CRABP1: variants seen among roughly 807,000 people sequenced by gnomAD.
The protein encoded by CRABP1 is cellular retinoic acid binding protein 1.
In CRABP1, 9 loss-of-function variants were observed where a neutral mutation model predicts 16.4. The ratio of observed to expected loss-of-function variants is 0.55; its 90% confidence interval spans 0.33 to 0.96. The LOEUF (loss-of-function observed/expected upper bound fraction) is 0.96. Ranked by LOEUF, CRABP1 falls within the 40% of genes least tolerant of loss-of-function variation. The pLI, the probability that CRABP1 is intolerant of heterozygous loss-of-function variation, is 0.03. For synonymous variants in CRABP1, 72 were observed against 70.4 expected (o/e 1.02, Z -0.11); for missense variants, 157 against 186.0 (o/e 0.84, Z 0.91).
At chr15:78,345,954 C>T (rs1439637459) in intron 3 of CRABP1, among the ~76,000 whole-genome samples, 1 of 152,178 alleles carries the variant, frequency 6.6e-6, no homozygotes, top group Admixed American at 6.5e-5. Context: ...CTCCCACAAA[C>T]CACTCTGGAA....
At chr15:78,340,608 G>C in intron 1 of CRABP1, 110 bp downstream of exon 1, 1 of 1,264,430 alleles carries the variant, frequency 7.9e-7, no homozygotes, top group Non-Finnish European at 1.1e-6. Flanking sequence ...GCCCAGGCAG[G>C]AGGGAGTCCC....
intron 2 of CRABP1, among the ~76,000 whole-genome samples, chr15:78,342,139 C>T (rs1020942093): frequency 6.6e-6 from 1 of 152,002 alleles, no homozygotes; most frequent in Non-Finnish European, 1.5e-5. Context: ...AGAAACAAAG[C>T]CCCCCAGAAG....
chr15:78,344,942 A>G (rs1190446116), intron 3 of CRABP1, among the ~76,000 whole-genome samples: 1 of 150,808 alleles, frequency 6.6e-6, no homozygotes, highest in Non-Finnish European at 1.5e-5. Context: ...AAAAAAAACA[A>G]AAAAACTAAT....
intron 2 of CRABP1, among the ~76,000 whole-genome samples, chr15:78,342,336 C>T (rs938187048): frequency 4.6e-5 from 7 of 151,504 alleles, no homozygotes; most frequent in African/African-American, 1.7e-4. Flanking sequence ...AGTCTGGGGA[C>T]ATCCAATGTT....
chr15:78,340,992 G>A (rs1256917702), intron 1 of CRABP1, 51 bp from the exon 2 acceptor site: 2 of 1,565,246 alleles, frequency 1.3e-6, no homozygotes, highest in African/African-American at 2.7e-5. Context: ...GACCGGTCCC[G>A]AGACTGGCGG....
chr15:78,343,539 C>T lies in CRABP1; in HGVS notation c.290C>T (p.Thr97Met), dbSNP rs778328549. ...TWENENKIHC[T>M]QTLLEGDGPK... ...GAGAATGAGAACAAGATCCACTGCA[C>T]GCAAACTCTTCTTGAAGGGGACGGC... Residue 97 changes from threonine to methionine, a missense_variant, in exon 3 of 4, where the codon ACG (threonine) becomes ATG (methionine). Coordinates refer to ENST00000299529, the MANE Select transcript of CRABP1 (RefSeq NM_004378.3). The T allele has an allele frequency of 5.6e-5, 91 of 1,614,062 alleles. No individual in the cohort carries two copies. The highest frequency in any genetic ancestry group is 1.6e-4 in the Middle Eastern group (1 of 6,084).
At chr15:78,347,791 G>A in intron 3 of CRABP1, 136 bp from the exon 4 acceptor site, 1 of 796,406 alleles carries the variant, frequency 1.3e-6, no homozygotes, top group Non-Finnish European at 2.1e-6. Context: ...CTTAGCCTGA[G>A]CACACACACA....
chr15:78,341,118 A>G lies in CRABP1; in HGVS notation c.146A>G (p.Asp49Gly). The G allele has an allele frequency of 3.7e-6, 6 of 1,612,954 alleles. No homozygotes were observed. Among genetic ancestry groups the G allele is most frequent in the Non-Finnish European group, 5.1e-6 (6 of 1,179,740 alleles). ...CACGTGGAGATCCGCCAGGACGGGG[A>G]TCAGTTCTACATCAAGACATCCACC... is the stretch of plus-strand genomic sequence containing the variant. ...KPHVEIRQDG[D>G]QFYIKTSTTV... The change falls in exon 2 of 4, where the codon GAT becomes GGT. Residue 49 changes from aspartate (D) to glycine (G), a missense_variant. By Grantham distance (94) the Asp-to-Gly change is moderately conservative. Transcript: ENST00000299529. This position sits in a 1 kb window ranked among gnomAD's most constrained non-coding sequence, Gnocchi z 5.3.
At position 78,341,989 on chromosome 15, in the gene CRABP1, C is replaced by T. The variant is rs751252988; in HGVS notation, c.249+768C>T. On this transcript the variant is annotated intron_variant, in intron 2 of 3. Transcript: ENST00000299529. This position sits in a 1 kb window ranked among gnomAD's most constrained non-coding sequence, Gnocchi z 5.3. ...TTAAAAAGTGACAGAATGTCTCCCT[C>T]CCCTTCTCCAATTTTTTTTTTTTAA... is the stretch of plus-strand genomic sequence containing the variant. 2.0e-5 allele frequency among the ~76,000 whole-genome samples: 3 copies of T among 151,834 alleles called. No individual in the cohort carries two copies. Among genetic ancestry groups the T allele is most frequent in the Non-Finnish European group, 2.9e-5 (2 of 68,010 alleles).
At chr15:78,344,862 A>C (rs1187897266) in intron 3 of CRABP1, among the ~76,000 whole-genome samples, 1 of 151,492 alleles carries the variant, frequency 6.6e-6, no homozygotes, top group Non-Finnish European at 1.5e-5. Flanking sequence ...GCTGCAGTGA[A>C]CTGTGATCAT....
At position 78,346,632 on chromosome 15, in the gene CRABP1, G is replaced by A. The variant is rs146263458; in HGVS notation, c.364-1295G>A. Among the ~76,000 whole-genome samples, 11 of 152,330 alleles carry A rather than the reference G, an allele frequency of 7.2e-5. No individual in the cohort carries two copies. The East Asian group carries it at 2.1e-3, about 29-fold the overall frequency. On this transcript the variant is annotated intron_variant, in intron 3 of 3. Transcript: ENST00000299529. The stretch of plus-strand genomic sequence containing the variant: ...TGCAGTGAGCTGACATCACACCATT[G>A]CACTCCAGCCTGGGTGACAGAGTAA...
In CRABP1 at chr15:78,348,084, G is replaced by A. The variant is rs544685554; in HGVS notation, c.*107G>A. 9.4e-7 allele frequency: 1 copy of A among 1,061,558 alleles called. No homozygotes were observed. Among genetic ancestry groups the A allele is most frequent in the South Asian group, 1.4e-5 (1 of 71,700 alleles). 65.8% of individuals were successfully genotyped at this position (1,061,558 alleles called of 1,614,324 possible). A position where few individuals can be genotyped will look rare whatever the true frequency, so the allele number is the denominator to read the frequency against. ...CCGCCCTTTTCCCCTACCAATATTA[G>A]GTGATCCCGTTTTCCCCATGACAAT... On this transcript the variant is annotated 3_prime_UTR_variant, in exon 4 of 4. Coordinates refer to ENST00000299529, the MANE Select transcript of CRABP1 (RefSeq NM_004378.3).
chr15:78,343,683 A>C, intron 3 of CRABP1, 71 bp downstream of exon 3: 1 of 1,111,792 alleles, frequency 9.0e-7, no homozygotes, highest in Non-Finnish European at 1.3e-6. Context: ...CCCCACAAAT[A>C]TGTCCTCCTC....
chr15:78,343,649 CCCCCAGAGGGGG>C, intron 3 of CRABP1, 37 bp downstream of exon 3: 2 of 1,575,146 alleles, frequency 1.3e-6, no homozygotes, highest in Middle Eastern at 1.7e-4. Context: ...TCCTGAAGTT[CCCCCAGAGGGGG>C]CCCCAGATGG....
chr15:78,343,433 C>T lies in CRABP1; in HGVS notation c.250-66C>T, dbSNP rs1391818082. The T allele has an allele frequency of 1.5e-5, 19 of 1,235,706 alleles. No homozygotes were observed. In the African/African-American group the frequency reaches 1.9e-4, roughly 13 times the overall value. 76.5% of individuals were successfully genotyped at this position (1,235,706 alleles called of 1,614,324 possible). A position where few individuals can be genotyped will look rare whatever the true frequency, so the allele number is the denominator to read the frequency against. ...TGCAGAGCAATTATTTTTCAATGCT[C>T]ATTGTTGTCCCTGCTCCCGCTGCTG... On this transcript the variant is annotated intron_variant, in intron 2 of 3. Coordinates refer to ENST00000299529, the MANE Select transcript of CRABP1 (RefSeq NM_004378.3).
In CRABP1 at chr15:78,341,024, T is replaced by C. The variant is rs1213197782; in HGVS notation, c.71-19T>C. ...GCGGCGAGGCCCCGTGACCCAAGCCTGTGGTGCACCCTGCGCAGGTGTGAA... is the reference window on the plus strand; with the variant it reads ...GCGGCGAGGCCCCGTGACCCAAGCCCGTGGTGCACCCTGCGCAGGTGTGAA... On this transcript the variant is annotated intron_variant, in intron 1 of 3. Coordinates refer to ENST00000299529, the MANE Select transcript of CRABP1 (RefSeq NM_004378.3). The surrounding 1 kb of genome is among the most constrained non-coding windows in gnomAD (Gnocchi z 5.3). 3.8e-6 allele frequency: 6 copies of C among 1,597,480 alleles called. No homozygotes were observed. The East Asian group carries it at 1.3e-4, about 36-fold the overall frequency.
chr15:78,341,227 G>A lies in CRABP1; in HGVS notation c.249+6G>A. The stretch of plus-strand genomic sequence containing the variant: ...TGGACGGACGCAAGTGCAGGGTGAG[G>A]CCCCAGAGCCACTACAGCGTCCCCG... On this transcript the variant is annotated splice_donor_region_variant and intron_variant, in intron 2 of 3. Transcript: ENST00000299529. This position sits in a 1 kb window ranked among gnomAD's most constrained non-coding sequence, Gnocchi z 5.3. 1 of 1,605,420 alleles carries A rather than the reference G, an allele frequency of 6.2e-7. No individual in the cohort carries two copies. Among genetic ancestry groups the A allele is most frequent in the Non-Finnish European group, 8.5e-7 (1 of 1,176,210 alleles).
chr15:78,340,529 G>A (rs1203175758), intron 1 of CRABP1, 31 bp downstream of exon 1: 1 of 1,596,168 alleles, frequency 6.3e-7, no homozygotes, highest in Non-Finnish European at 8.5e-7. Context: ...CGCCCCGACG[G>A]GGAGATGCGG....
Position 78,348,184 on chromosome 15 carries a change from T to TC in CRABP1, c.*207_*208insC, listed in dbSNP as rs2050278330. ...CCCTAGTGCTCCATAGTTTGGCATT[T>TC]GCACGGTTTCGAAGTCATTAAACTG... On this transcript the variant is annotated 3_prime_UTR_variant, in exon 4 of 4. Transcript: ENST00000299529. The TC allele has an allele frequency of 1.7e-6, 1 of 588,822 alleles. No homozygotes were observed. Among genetic ancestry groups the TC allele is most frequent in the African/African-American group, 1.9e-5 (1 of 53,846 alleles). The allele number at this position is 588,822 out of a possible 1,614,324, so 36.5% of individuals were successfully genotyped here.
Sources: gnomAD v4.1 joint callset for allele counts (sites outside exome capture counted in the v4.1 genomes callset) on GRCh38, gnomAD v4.1.1 for gene constraint, Gnocchi (gnomAD v3.1) non-coding constraint, MANE v1.5 for transcripts, NCBI Gene and HGNC (gene_info 2026-07-23, HGNC 2026-07-21) for gene names.